HNF4G: variants seen among roughly 807,000 people sequenced by gnomAD.
HNF4G encodes hepatocyte nuclear factor 4-gamma.
HNF4G carries 21 observed loss-of-function variants against 50.9 expected under a neutral mutation model. The observed-to-expected ratio is 0.41, with a 90% CI of 0.29 to 0.59. The LOEUF (loss-of-function observed/expected upper bound fraction) is 0.59. HNF4G is among the 20% of genes least tolerant of loss of function. The probability of loss-of-function intolerance (pLI) is 0.26; values close to 1 mark genes in which losing one functional copy is unlikely to be tolerated. For missense variants in HNF4G, 527 were observed against 559.4 expected, an observed-to-expected ratio of 0.94 and a Z score of 0.58; for synonymous variants, 198 against 185.6, an observed-to-expected ratio of 1.07 and a Z score of -0.54.
intron 2 of HNF4G, among the ~76,000 whole-genome samples, chr8:75,527,781 G>T (rs1158196990): frequency 6.6e-6 from 1 of 152,130 alleles, no homozygotes; most frequent in Admixed American, 6.5e-5. Flanking sequence ...AGATCTTTCA[G>T]TTATTGTGAT....
At chr8:75,534,541 C>T (rs1806410874) in intron 2 of HNF4G, among the ~76,000 whole-genome samples, 1 of 151,810 alleles carries the variant, frequency 6.6e-6, no homozygotes, top group Admixed American at 6.6e-5. Context: ...TAGTTTTGGA[C>T]TTTACATTTA....
intron 1 of HNF4G, among the ~76,000 whole-genome samples, chr8:75,461,647 G>T (rs1025375095): frequency 6.6e-6 from 1 of 152,046 alleles, no homozygotes. Flanking sequence ...GCATACAGCA[G>T]TTCTCCTTTA....
chr8:75,476,543 A>G (rs1812245424), intron 1 of HNF4G, among the ~76,000 whole-genome samples: 1 of 152,252 alleles, frequency 6.6e-6, no homozygotes, highest in Admixed American at 6.5e-5. Flanking sequence ...TTATTATGGC[A>G]AAATTAACCC....
intron 9 of HNF4G, among the ~76,000 whole-genome samples, chr8:75,562,395 A>G (rs1807339604): frequency 6.6e-6 from 1 of 152,214 alleles, no homozygotes; most frequent in African/African-American, 2.4e-5. Context: ...TGGATTTCCA[A>G]TGTACTTGAA....
chr8:75,491,328 A>G (rs1318791869), intron 2 of HNF4G, among the ~76,000 whole-genome samples: 1 of 152,208 alleles, frequency 6.6e-6, no homozygotes, highest in Non-Finnish European at 1.5e-5. Context: ...TATTTTATAC[A>G]ATACCAATAA....
At chr8:75,434,508 G>C (rs1811091843) in intron 1 of HNF4G, among the ~76,000 whole-genome samples, 1 of 151,486 alleles carries the variant, frequency 6.6e-6, no homozygotes, top group Non-Finnish European at 1.5e-5. Context: ...GTCAGAAACA[G>C]AACAACAAAA....
rs1554571919 is a variant in HNF4G, at chr8:75,463,791, T to TG, written c.-143-26297dup. Among the ~76,000 whole-genome samples, 502 of 150,578 alleles carry TG rather than the reference T, an allele frequency of 3.3e-3. 1 individual carries two copies. Among genetic ancestry groups the TG allele is most frequent in the African/African-American group, 0.012 (477 of 40,982 alleles). On this transcript the variant is annotated intron_variant, in intron 1 of 10. Transcript: ENST00000354370. ...ATGTTGATTTTTTTTTTTTTTTTTT[T>TG]GAGACAGAATTTTGTTCTTGTTGCC...
chr8:75,412,834 T>C (rs1318517314), intron 1 of HNF4G, among the ~76,000 whole-genome samples: 1 of 152,130 alleles, frequency 6.6e-6, no homozygotes, highest in Non-Finnish European at 1.5e-5. Context: ...GTACCTGGAA[T>C]ACAAATATAA....
intron 1 of HNF4G, among the ~76,000 whole-genome samples, chr8:75,455,910 C>T (rs926598723): frequency 2.0e-5 from 3 of 151,926 alleles, no homozygotes; most frequent in Admixed American, 6.6e-5. Flanking sequence ...CAAACCAAAA[C>T]GGAAAGGTCT....
chr8:75,472,279 C>G (rs1244749741), intron 1 of HNF4G, among the ~76,000 whole-genome samples: 1 of 152,068 alleles, frequency 6.6e-6, no homozygotes, highest in East Asian at 1.9e-4. Context: ...ATTCTTTTTT[C>G]TAAAGAAAAT....
At chr8:75,525,914 A>C (rs1806165974) in intron 2 of HNF4G, among the ~76,000 whole-genome samples, 1 of 152,162 alleles carries the variant, frequency 6.6e-6, no homozygotes, top group Non-Finnish European at 1.5e-5. Flanking sequence ...ACAAACAAAC[A>C]AAAAAGGGAG....
intron 1 of HNF4G, among the ~76,000 whole-genome samples, chr8:75,442,763 T>C (rs1332953956): frequency 1.3e-5 from 2 of 152,060 alleles, no homozygotes; most frequent in Admixed American, 1.3e-4. Flanking sequence ...AGTTTGAATA[T>C]AGAAATTTGA....
intron 2 of HNF4G, among the ~76,000 whole-genome samples, chr8:75,524,518 T>C (rs1042468829): frequency 2.6e-5 from 4 of 152,202 alleles, no homozygotes; most frequent in African/African-American, 9.6e-5. Context: ...TGTCCATATG[T>C]TACATATTTT....
chr8:75,467,741 C>A (rs930519534), intron 1 of HNF4G, among the ~76,000 whole-genome samples: 2 of 151,688 alleles, frequency 1.3e-5, no homozygotes, highest in Non-Finnish European at 2.9e-5. Flanking sequence ...TATTTTACTT[C>A]CTTCTTCTAG....
At chr8:75,436,869 C>T (rs1811153872) in intron 1 of HNF4G, among the ~76,000 whole-genome samples, 1 of 151,988 alleles carries the variant, frequency 6.6e-6, no homozygotes, top group South Asian at 2.1e-4. Context: ...ATAGTGAGAT[C>T]CCTGACTCTA....
chr8:75,449,198 C>G (rs1811513887), intron 1 of HNF4G, among the ~76,000 whole-genome samples: 1 of 152,098 alleles, frequency 6.6e-6, no homozygotes, highest in Non-Finnish European at 1.5e-5. Context: ...GCTTTGCTAT[C>G]TCCTAGGGCA....
intron 1 of HNF4G, among the ~76,000 whole-genome samples, chr8:75,420,378 T>C (rs1435528815): frequency 6.6e-6 from 1 of 152,216 alleles, no homozygotes; most frequent in Admixed American, 6.5e-5. Flanking sequence ...ATCTGATTGG[T>C]TTCTCATTGT....
Position 75,559,048 on chromosome 8 carries a change from T to C in HNF4G, c.1123+11T>C, listed in dbSNP as rs200493555. On this transcript the variant is annotated intron_variant, in intron 8 of 9. Transcript: ENST00000396423. ...AAATGCTATTAGGTGGTGAGTACAT[T>C]GAATAATTTCTACTTTATTGATTAG... is the stretch of plus-strand genomic sequence containing the variant. 58 of 1,403,798 alleles carry C rather than the reference T, an allele frequency of 4.1e-5. No individual in the cohort carries two copies. Among genetic ancestry groups the C allele is most frequent in the Non-Finnish European group, 5.5e-5 (54 of 988,394 alleles). 87.0% of individuals were successfully genotyped at this position (1,403,798 alleles called of 1,614,324 possible).
At chr8:75,559,278 T>TG (rs541058362) in intron 8 of HNF4G, among the ~76,000 whole-genome samples, 9 of 20,164 alleles carry the variant, frequency 4.5e-4, no homozygotes, top group African/African-American at 4.2e-3. Flanking sequence ...TTTTTGTTTG[T>TG]TTTTTTTTTT....
Sources: allele counts gnomAD v4.1 joint callset (sites outside exome capture counted in the v4.1 genomes callset), GRCh38; gene constraint gnomAD v4.1.1; transcripts MANE v1.5; gene names NCBI Gene and HGNC (gene_info 2026-07-23, HGNC 2026-07-21).